Variants in SYNPR observed in about 807,000 individuals in gnomAD.
SYNPR encodes synaptoporin.
A neutral mutation model predicts 32.9 loss-of-function variants in SYNPR; 23 were observed. The observed-to-expected ratio is 0.70, with a 90% CI of 0.50 to 0.99. The LOEUF (loss-of-function observed/expected upper bound fraction) is 0.99. Ranked by LOEUF, SYNPR falls within the 50% of genes least tolerant of loss-of-function variation. The pLI is 0.00. For missense variants in SYNPR, 318 were observed against 349.3 expected, an observed-to-expected ratio of 0.91 and a Z score of 0.71; for synonymous variants, 146 against 135.9, an observed-to-expected ratio of 1.07 and a Z score of -0.52.
chr3:63,257,838 GAC>G (rs1395752614), intron 2 of SYNPR, among the ~76,000 whole-genome samples: 1 of 152,088 alleles, frequency 6.6e-6, no homozygotes, highest in Non-Finnish European at 1.5e-5. Flanking sequence ...CACGTGCAGA[GAC>G]ACACATAGGC....
At chr3:63,529,864 G>A (rs1028963633) in intron 3 of SYNPR, among the ~76,000 whole-genome samples, 5 of 152,102 alleles carry the variant, frequency 3.3e-5, no homozygotes, top group Non-Finnish European at 5.9e-5. Context: ...ACACTCAGGC[G>A]AAAAGGATAC....
intron 3 of SYNPR, among the ~76,000 whole-genome samples, chr3:63,270,901 C>CCT (rs1284055566): frequency 1.7e-3 from 90 of 52,422 alleles, no homozygotes; most frequent in African/African-American, 6.9e-3. Flanking sequence ...CCTTCCTTTT[C>CCT]TTTCCTTCCT....
At chr3:63,509,990 T>C (rs1701666289) in intron 3 of SYNPR, among the ~76,000 whole-genome samples, 1 of 152,116 alleles carries the variant, frequency 6.6e-6, no homozygotes, top group African/African-American at 2.4e-5. Context: ...TCCTCCTTCC[T>C]TTCTCATGAC....
chr3:63,241,982 T>C (rs2086252348), intron 1 of SYNPR, among the ~76,000 whole-genome samples: 1 of 152,040 alleles, frequency 6.6e-6, no homozygotes, highest in Admixed American at 6.6e-5. Flanking sequence ...TTCACATGTT[T>C]CAGAAATTAC....
intron 2 of SYNPR, among the ~76,000 whole-genome samples, chr3:63,353,810 T>C (rs748274886): frequency 6.6e-6 from 1 of 152,366 alleles, no homozygotes; most frequent in Admixed American, 6.5e-5. Context: ...TGTGAGATGA[T>C]ATCCAATTTT....
At chr3:63,336,109 G>A (rs1320555410) in intron 2 of SYNPR, among the ~76,000 whole-genome samples, 3 of 151,976 alleles carry the variant, frequency 2.0e-5, no homozygotes, top group African/African-American at 2.4e-5. Flanking sequence ...CTGACCATTC[G>A]AATGTGATTA....
chr3:63,359,761 A>G (rs2087631681), intron 2 of SYNPR, among the ~76,000 whole-genome samples: 1 of 152,202 alleles, frequency 6.6e-6, no homozygotes, highest in African/African-American at 2.4e-5. Context: ...TTGTGATTCT[A>G]GTCAAGTTTC....
chr3:63,244,526 C>T (rs970029764), intron 1 of SYNPR, among the ~76,000 whole-genome samples: 3 of 152,050 alleles, frequency 2.0e-5, no homozygotes, highest in Admixed American at 6.6e-5. Flanking sequence ...TCAATCCCTG[C>T]TCTATTCTTT....
chr3:63,443,999 C>T (rs1364735501), intron 2 of SYNPR, among the ~76,000 whole-genome samples: 1 of 152,172 alleles, frequency 6.6e-6, no homozygotes, highest in East Asian at 1.9e-4. Flanking sequence ...TGGATGCATG[C>T]ACCTTTAAAA....
chr3:63,553,254 G>A (rs1244157121), intron 3 of SYNPR, among the ~76,000 whole-genome samples: 2 of 152,138 alleles, frequency 1.3e-5, no homozygotes, highest in Non-Finnish European at 2.9e-5. Context: ...TCATGTTACT[G>A]CAAATGACAT....
chr3:63,539,158 A>G (rs1702257895), intron 3 of SYNPR, among the ~76,000 whole-genome samples: 1 of 152,174 alleles, frequency 6.6e-6, no homozygotes, highest in South Asian at 2.1e-4. Flanking sequence ...TGCATCACTG[A>G]AAAAAATATA....
chr3:63,536,329 G>C (rs1047760340), intron 3 of SYNPR, among the ~76,000 whole-genome samples: 1 of 152,008 alleles, frequency 6.6e-6, no homozygotes, highest in Non-Finnish European at 1.5e-5. Flanking sequence ...ATTCATCCAA[G>C]AAGATATACA....
intron 3 of SYNPR, among the ~76,000 whole-genome samples, chr3:63,494,512 TAC>T (rs1491095490): frequency 0.21 from 10,521 of 49,150 alleles, 1,083 homozygotes; most frequent in East Asian, 0.38. Flanking sequence ...TATACATATA[TAC>T]ATATATACAT....
At chr3:63,226,010 G>A (rs927496317), upstream of SYNPR, among the ~76,000 whole-genome samples, 4 of 151,814 alleles carry the variant, frequency 2.6e-5, no homozygotes, top group African/African-American at 9.7e-5. Context: ...CTTCTGTAAG[G>A]AAAAATATAA....
intron 3 of SYNPR, among the ~76,000 whole-genome samples, chr3:63,500,697 A>G (rs1286079088): frequency 3.3e-5 from 5 of 152,168 alleles, no homozygotes; most frequent in Admixed American, 1.3e-4. Context: ...TCCAGCTCTT[A>G]TCTTCTCAAA....
chr3:63,521,076 C>A (rs1413668079), intron 3 of SYNPR, among the ~76,000 whole-genome samples: 2 of 152,158 alleles, frequency 1.3e-5, no homozygotes, highest in Middle Eastern at 3.2e-3. Flanking sequence ...GAGGGTGATA[C>A]ACAGCAGAAC....
At chr3:63,406,505 A>G (rs1163055621) in intron 2 of SYNPR, among the ~76,000 whole-genome samples, 1 of 151,704 alleles carries the variant, frequency 6.6e-6, no homozygotes, top group East Asian at 1.9e-4. Context: ...ACCTAGACTG[A>G]GAAAGATTTT....
At chr3:63,272,447 T>G (rs1468828950) in intron 3 of SYNPR, among the ~76,000 whole-genome samples, 4 of 152,140 alleles carry the variant, frequency 2.6e-5, no homozygotes, top group Admixed American at 6.5e-5. Context: ...TCTTTGGGCT[T>G]TGTTTACATC....
intron 2 of SYNPR, among the ~76,000 whole-genome samples, chr3:63,426,417 A>G (rs1190092084): frequency 6.6e-6 from 1 of 152,202 alleles, no homozygotes; most frequent in Non-Finnish European, 1.5e-5. Flanking sequence ...TAGAAAGGCA[A>G]TCAGGTTTTA....
Sources: gnomAD v4.1 joint callset for allele counts (sites outside exome capture counted in the v4.1 genomes callset) on GRCh38, gnomAD v4.1.1 for gene constraint, MANE v1.5 for transcripts, NCBI Gene and HGNC (gene_info 2026-07-23, HGNC 2026-07-21) for gene names.